ANKFN1: variants seen among roughly 807,000 people sequenced by gnomAD.
ANKFN1 encodes the protein ankyrin repeat and fibronectin type-III domain-containing protein 1.
In ANKFN1, 74 loss-of-function variants were observed where a neutral mutation model predicts 108.7. The observed-to-expected ratio is 0.68, with a 90% CI of 0.56 to 0.83. The LOEUF is 0.83. Ranked by LOEUF, ANKFN1 falls within the 40% of genes least tolerant of loss-of-function variation. ANKFN1 has a pLI of 0.00. For synonymous variants in ANKFN1, 547 were observed against 516.2 expected (o/e 1.06, Z -0.81); for missense variants, 1,505 against 1,382.3 (o/e 1.09, Z -1.41).
At chr17:56,288,534 A>G (rs1482489032) in intron 3 of ANKFN1, among the ~76,000 whole-genome samples, 1 of 152,128 alleles carries the variant, frequency 6.6e-6, no homozygotes, top group Non-Finnish European at 1.5e-5. Flanking sequence ...AGATAAAAGT[A>G]TATGTTGGAG....
intron 20 of ANKFN1, among the ~76,000 whole-genome samples, chr17:56,502,645 C>A (rs887035993): frequency 1.3e-5 from 2 of 152,190 alleles, no homozygotes; most frequent in African/African-American, 4.8e-5. Flanking sequence ...CAAGTGTGAC[C>A]ACTTTGAATT....
chr17:56,254,201 C>T (rs2043303382), intron 3 of ANKFN1: 1 of 152,206 alleles, frequency 6.6e-6, no homozygotes, highest in Admixed American at 6.5e-5. Context: ...ACCACTGCCC[C>T]ATTCTCACCA....
At chr17:56,163,333 A>C (rs1031651333) in intron 1 of ANKFN1, among the ~76,000 whole-genome samples, 1 of 152,184 alleles carries the variant, frequency 6.6e-6, no homozygotes, top group Admixed American at 6.5e-5. Context: ...ACAGATTTTC[A>C]TTTGGACACT....
intron 1 of ANKFN1, among the ~76,000 whole-genome samples, chr17:56,186,322 C>T (rs966112715): frequency 6.6e-6 from 1 of 151,388 alleles, no homozygotes. Flanking sequence ...TAATTCCTCA[C>T]ATCTGAATAG....
intron 4 of ANKFN1, among the ~76,000 whole-genome samples, chr17:56,135,822 T>TTAGAATATAACATTGAATATG: frequency 6.6e-6 from 1 of 152,172 alleles, no homozygotes; most frequent in Admixed American, 6.5e-5. Context: ...TATATTCTAG[T>TTAGAATATAACATTGAATATG]TTATTCAAGA....
At chr17:56,086,874 A>G (rs4794622) in intron 4 of ANKFN1, among the ~76,000 whole-genome samples, 103,122 of 150,844 alleles carry the variant, frequency 0.68, 36,638 homozygotes, top group Middle Eastern at 0.76. Context: ...TCCAATACCA[A>G]GTCAAGTGCC....
chr17:56,506,534 G>C (rs933168650), intron 20 of ANKFN1, among the ~76,000 whole-genome samples: 1 of 151,882 alleles, frequency 6.6e-6, no homozygotes, highest in African/African-American at 2.4e-5. Context: ...GTGTGGCCTT[G>C]CTGACACCTT....
intron 3 of ANKFN1, among the ~76,000 whole-genome samples, chr17:56,243,060 A>G (rs182109430): frequency 1.3e-5 from 2 of 152,212 alleles, no homozygotes; most frequent in Admixed American, 1.3e-4. Flanking sequence ...ACAATTTGCA[A>G]ATGTTCCATT....
chr17:56,503,742 G>T (rs1468353516), intron 20 of ANKFN1, among the ~76,000 whole-genome samples: 2 of 151,710 alleles, frequency 1.3e-5, no homozygotes, highest in Non-Finnish European at 2.9e-5. Context: ...GAGACCAGGA[G>T]TTACAACACT....
chr17:56,314,191 T>C (rs924949257), intron 3 of ANKFN1, among the ~76,000 whole-genome samples: 1 of 152,244 alleles, frequency 6.6e-6, no homozygotes, highest in Admixed American at 6.5e-5. Context: ...TTCATGATAT[T>C]TGGGCTATTT....
At position 56,499,073 on chromosome 17, in the gene ANKFN1, GA is replaced by G; in HGVS notation, c.2620del (p.Met874CysfsTer7). ...CLPSPPPSPE[M>X]HRRKTVSDSQ... Reference sequence around the variant, plus strand: ...TTCCATCCCCACCCCCATCCCCAGAGATGCACAGAAGAAAGACAGTGAGTGG... The same window carrying G: ...TTCCATCCCCACCCCCATCCCCAGAGTGCACAGAAGAAAGACAGTGAGTGG... On this transcript the variant is annotated frameshift_variant, in exon 20 of 21. Coordinates refer to ENST00000682825, the MANE Select transcript of ANKFN1 (RefSeq NM_001370326.1). LOFTEE classifies it low-confidence loss of function (END_TRUNC). 6.5e-7 allele frequency: 1 copy of G among 1,535,458 alleles called. No individual in the cohort carries two copies. Among genetic ancestry groups the G allele is most frequent in the Non-Finnish European group, 8.7e-7 (1 of 1,146,536 alleles).
intron 3 of ANKFN1, among the ~76,000 whole-genome samples, chr17:56,251,952 G>A (rs946425521): frequency 2.6e-5 from 4 of 152,190 alleles, no homozygotes; most frequent in Admixed American, 1.3e-4. Flanking sequence ...TATGGAGAAG[G>A]ATGAATTGCA....
At chr17:56,374,184 G>A (rs572990769) in intron 7 of ANKFN1, among the ~76,000 whole-genome samples, 1 of 152,182 alleles carries the variant, frequency 6.6e-6, no homozygotes, top group Non-Finnish European at 1.5e-5. Flanking sequence ...TACCAAAAGT[G>A]AGTGTGCTAT....
At chr17:56,276,918 C>T (rs1253491580) in intron 3 of ANKFN1, among the ~76,000 whole-genome samples, 1 of 152,034 alleles carries the variant, frequency 6.6e-6, no homozygotes, top group Non-Finnish European at 1.5e-5. Flanking sequence ...CTGAGGGAGC[C>T]CCAGCTTCAC....
chr17:56,236,460 A>G (rs563677872), intron 3 of ANKFN1, among the ~76,000 whole-genome samples: 4 of 152,256 alleles, frequency 2.6e-5, no homozygotes, highest in African/African-American at 9.6e-5. Flanking sequence ...GCAATTGTGA[A>G]TGGGATTGCA....
At chr17:56,391,300 C>G (rs2047426677) in intron 8 of ANKFN1, among the ~76,000 whole-genome samples, 2 of 143,820 alleles carry the variant, frequency 1.4e-5, no homozygotes, top group South Asian at 2.2e-4. Flanking sequence ...CACACACACA[C>G]AGTCTCGCTC....
intron 4 of ANKFN1, among the ~76,000 whole-genome samples, chr17:56,066,531 T>C (rs1012030818): frequency 1.3e-5 from 2 of 152,236 alleles, no homozygotes; most frequent in African/African-American, 4.8e-5. Context: ...ATGGATTAGA[T>C]AAAATATATT....
chr17:56,319,855 T>G (rs918222987), intron 3 of ANKFN1, among the ~76,000 whole-genome samples: 3 of 152,170 alleles, frequency 2.0e-5, no homozygotes, highest in Admixed American at 6.6e-5. Flanking sequence ...ATTTACATGT[T>G]TTTGATGAAA....
rs773756465 is a variant in ANKFN1, at chr17:56,153,557, G to A, written c.-71+27G>A. 3.4e-5 allele frequency: 55 copies of A among 1,613,078 alleles called. No homozygotes were observed. In the East Asian group the frequency reaches 1.1e-3, roughly 33 times the overall value. Reference sequence around the variant, plus strand: ...TAGGAAAACAATAGTTCTAAATATCGGTAATTGGTGTTTGGAGGCCATTGT... The same window carrying A: ...TAGGAAAACAATAGTTCTAAATATCAGTAATTGGTGTTTGGAGGCCATTGT... On this transcript the variant is annotated intron_variant, in intron 1 of 20. Transcript: ENST00000682825.
Sources: allele counts gnomAD v4.1 joint callset (sites outside exome capture counted in the v4.1 genomes callset), GRCh38; gene constraint gnomAD v4.1.1; transcripts MANE v1.5; gene names NCBI Gene and HGNC (gene_info 2026-07-23, HGNC 2026-07-21).